The following GPAT4 variants were observed in gnomAD, a reference collection of about 807,000 sequenced individuals.
GPAT4 encodes glycerol-3-phosphate acyltransferase 4.
In GPAT4, 17 loss-of-function variants were observed where a neutral mutation model predicts 58.0. The observed-to-expected ratio is 0.29, with a 90% CI of 0.20 to 0.44. The LOEUF is 0.44. Among genes scored for constraint, GPAT4 ranks in the 20% least tolerant of loss-of-function variants. The pLI is 1.00. For synonymous variants in GPAT4, 204 were observed against 210.1 expected (o/e 0.97, Z 0.25); for missense variants, 377 against 574.5 (o/e 0.66, Z 3.51).
intron 1 of GPAT4, among the ~76,000 whole-genome samples, chr8:41,579,246 A>G (rs1281731283): frequency 6.6e-6 from 1 of 152,204 alleles, no homozygotes; most frequent in African/African-American, 2.4e-5. Context: ...ACACAGGGAA[A>G]TAGATGGAAT....
intron 1 of GPAT4, among the ~76,000 whole-genome samples, chr8:41,594,774 T>C (rs1802880734): frequency 6.6e-6 from 1 of 152,152 alleles, no homozygotes; most frequent in African/African-American, 2.4e-5. Flanking sequence ...CTCCATCTCC[T>C]GACCTTGTGA....
At chr8:41,584,962 TG>T (rs2150480707) in intron 1 of GPAT4, 1 of 152,276 alleles carries the variant, frequency 6.6e-6, no homozygotes, top group East Asian at 1.9e-4. Flanking sequence ...GGCTTTGTCT[TG>T]GGTAATTTAT....
At chr8:41,596,655 G>A (rs1343857313) in intron 1 of GPAT4, among the ~76,000 whole-genome samples, 1 of 152,234 alleles carries the variant, frequency 6.6e-6, no homozygotes, top group African/African-American at 2.4e-5. Context: ...CATTGCTCAG[G>A]CTGGTCTGAG....
At chr8:41,619,928 A>G (rs1803700483) in intron 12 of GPAT4, among the ~76,000 whole-genome samples, 1 of 152,188 alleles carries the variant, frequency 6.6e-6, no homozygotes, top group South Asian at 2.1e-4. Flanking sequence ...TCGCCCTCAC[A>G]GTAGCCGCAG....
At chr8:41,584,863 A>G (rs1802610446) in intron 1 of GPAT4, 1 of 152,194 alleles carries the variant, frequency 6.6e-6, no homozygotes, top group Admixed American at 6.5e-5. Context: ...TCTGGAGGGC[A>G]TAATGATCTT....
intron 1 of GPAT4, among the ~76,000 whole-genome samples, chr8:41,594,713 T>C (rs1359754099): frequency 3.3e-5 from 5 of 151,890 alleles, no homozygotes; most frequent in Non-Finnish European, 5.9e-5. Flanking sequence ...ACCTGGCTAA[T>C]TTTTTGTATT....
rs200700158 is a variant in GPAT4 at position 41,620,929 on chromosome 8, G to C, written c.1299G>C (p.Thr433=). Residue 433 remains threonine, a synonymous_variant, in exon 13 of 13, where the codon ACG becomes ACC. Coordinates refer to ENST00000396987, the MANE Select transcript of GPAT4 (RefSeq NM_178819.4). ...GGLKREKVKD[T]FKEEQQKLYS... is the part of the protein sequence containing the mutation. ...TGAAGAGGGAGAAGGTGAAGGACAC[G>C]TTCAAGGAGGAGCAGCAGAAGCTGT... 5 of 1,551,716 alleles carry C rather than the reference G, an allele frequency of 3.2e-6. No individual in the cohort carries two copies. The highest frequency in any genetic ancestry group is 2.4e-5 in the East Asian group (1 of 40,932).
At chr8:41,592,252 T>C (rs1402241367) in intron 1 of GPAT4, among the ~76,000 whole-genome samples, 2 of 152,170 alleles carry the variant, frequency 1.3e-5, no homozygotes, top group African/African-American at 4.8e-5. Context: ...GCTTAAGCTC[T>C]ATGCCCACAT....
intron 1 of GPAT4, among the ~76,000 whole-genome samples, chr8:41,594,426 T>A (rs1231137052): frequency 6.6e-6 from 1 of 152,224 alleles, no homozygotes; most frequent in Non-Finnish European, 1.5e-5. Context: ...TAGTTTTACA[T>A]TCAGGAGGCC....
intron 10 of GPAT4, chr8:41,618,397 T>G (rs902728913): frequency 1.3e-5 from 6 of 453,888 alleles, no homozygotes; most frequent in Non-Finnish European, 2.0e-5. Flanking sequence ...TACCTATGAG[T>G]AAGACCTGAA....
At chr8:41,584,442 A>G (rs918145609) in intron 1 of GPAT4, among the ~76,000 whole-genome samples, 2 of 152,236 alleles carry the variant, frequency 1.3e-5, no homozygotes, top group Non-Finnish European at 2.9e-5. Context: ...GGATGAAGAA[A>G]CGGGTATATC....
At chr8:41,585,074 C>G (rs1056067104) in intron 1 of GPAT4, among the ~76,000 whole-genome samples, 3 of 152,184 alleles carry the variant, frequency 2.0e-5, no homozygotes, top group Admixed American at 6.5e-5. Flanking sequence ...TGGAAACATG[C>G]AGTTTCCCCA....
chr8:41,618,801 A>T lies in GPAT4; in HGVS notation c.1171A>T (p.Met391Leu). ...CTGCAGCGTGTGGTACCTGCCTCCC[A>T]TGACTAGAGAGGTGAGTGCCTGCCC... ...IVCSVWYLPP[M>L]TREADEDAVQ... is the part of the protein sequence containing the mutation. The change falls in exon 11 of 13, where the codon ATG (methionine) becomes TTG (leucine). Residue 391 changes from methionine (M) to leucine (L), a missense_variant. Met to Leu is a conservative substitution (Grantham distance 15). Transcript: ENST00000396987. 6.2e-7 allele frequency: 1 copy of T among 1,614,232 alleles called. No homozygotes were observed. The highest frequency in any genetic ancestry group is 8.5e-7 in the Non-Finnish European group (1 of 1,180,046).
At position 41,593,343 on chromosome 8, in the gene GPAT4, A is replaced by T. The variant is rs192668929; in HGVS notation, c.-848-4949A>T. Among the ~76,000 whole-genome samples, 194 of 152,360 alleles carry T rather than the reference A, an allele frequency of 1.3e-3. 1 individual carries two copies. Among genetic ancestry groups the T allele is most frequent in the Non-Finnish European group, 2.3e-3 (154 of 68,036 alleles). ...CATTATACAAACAAGTCCTTTTTAGAGTTCCAGCACATTTATAATAACTAT... is the reference window on the plus strand; with the variant it reads ...CATTATACAAACAAGTCCTTTTTAGTGTTCCAGCACATTTATAATAACTAT... On this transcript the variant is annotated intron_variant, in intron 1 of 12. Transcript: ENST00000396987.
chr8:41,609,639 A>C lies in GPAT4; in HGVS notation c.236-16A>C. 6.2e-7 allele frequency: 1 copy of C among 1,608,920 alleles called. No homozygotes were observed. Among genetic ancestry groups the C allele is most frequent in the Non-Finnish European group, 8.5e-7 (1 of 1,176,480 alleles). The stretch of plus-strand genomic sequence containing the variant: ...TCCCCCAGCGTGCTGCTTGACAGGG[A>C]CACATTCTTTTGCAGGAATCATTGC... On this transcript the variant is annotated splice_polypyrimidine_tract_variant and intron_variant, in intron 3 of 12. Transcript: ENST00000396987.
At chr8:41,613,026 A>G (rs1279763892) in intron 8 of GPAT4, 66 bp downstream of exon 8, 5 of 1,374,124 alleles carry the variant, frequency 3.6e-6, no homozygotes, top group Non-Finnish European at 5.1e-6. Context: ...CAGGGTAGTT[A>G]TCCCTCCACA....
chr8:41,605,628 G>T (rs1803241135), intron 2 of GPAT4, among the ~76,000 whole-genome samples: 1 of 152,166 alleles, frequency 6.6e-6, no homozygotes, highest in African/African-American at 2.4e-5. Flanking sequence ...AGGCTGGAGT[G>T]CAGTGGCGCA....
At chr8:41,582,733 T>C (rs1370959939) in intron 1 of GPAT4, among the ~76,000 whole-genome samples, 1 of 152,068 alleles carries the variant, frequency 6.6e-6, no homozygotes, top group Non-Finnish European at 1.5e-5. Flanking sequence ...TCCATACATA[T>C]GTAAAATTAT....
intron 4 of GPAT4, chr8:41,610,427 G>T: frequency 7.9e-7 from 1 of 1,262,826 alleles, no homozygotes; most frequent in Non-Finnish European, 1.0e-6. Flanking sequence ...CCAAAGGGAA[G>T]GGGAGGGCAG....
Sources: gnomAD v4.1 joint callset for allele counts (sites outside exome capture counted in the v4.1 genomes callset) on GRCh38, gnomAD v4.1.1 for gene constraint, MANE v1.5 for transcripts, NCBI Gene and HGNC (gene_info 2026-07-23, HGNC 2026-07-21) for gene names.